The following ADGRV1 variants were observed in gnomAD, a reference collection of about 807,000 sequenced individuals.
The protein encoded by ADGRV1 is G-protein coupled receptor 98.
ADGRV1 carries 359 observed loss-of-function variants against 596.2 expected under a neutral mutation model. That is an observed-to-expected ratio of 0.60 (90% confidence interval 0.55 to 0.66). ADGRV1 has a LOEUF of 0.66. Ranked by LOEUF, ADGRV1 falls within the 30% of genes least tolerant of loss-of-function variation. The probability of loss-of-function intolerance (pLI) is 0.00; values close to 1 mark genes in which losing one functional copy is unlikely to be tolerated. For missense variants in ADGRV1, 7,274 were observed against 7,575.6 expected (o/e 0.96, Z 1.48); for synonymous variants, 2,681 against 2,679.2 (o/e 1.00, Z -0.02).
At chr5:90,664,097 C>T (rs938895561) in intron 21 of ADGRV1, among the ~76,000 whole-genome samples, 6 of 147,246 alleles carry the variant, frequency 4.1e-5, no homozygotes, top group African/African-American at 1.3e-4. Flanking sequence ...GCGATGCGGG[C>T]TCTTTTTTGG....
At chr5:91,130,522 CAAAAAA>C (rs11423089) in intron 87 of ADGRV1, among the ~76,000 whole-genome samples, 7 of 73,350 alleles carry the variant, frequency 9.5e-5, no homozygotes, top group African/African-American at 4.4e-4. Context: ...AACTCCATCT[CAAAAAA>C]AAAAAAAAAA....
intron 84 of ADGRV1, among the ~76,000 whole-genome samples, chr5:90,980,139 G>A (rs1413529951): frequency 1.3e-5 from 2 of 152,164 alleles, no homozygotes; most frequent in East Asian, 3.9e-4. Flanking sequence ...ATTGTGAGAA[G>A]TGTGAGAATT....
chr5:90,627,962 A>ACC, intron 7 of ADGRV1, 186 bp downstream of exon 7: 1 of 406,934 alleles, frequency 2.5e-6, no homozygotes, highest in Non-Finnish European at 4.3e-6. Flanking sequence ...ACACACACAC[A>ACC]AGAATATGTC....
chr5:90,586,383 T>C (rs1196955176), intron 1 of ADGRV1, among the ~76,000 whole-genome samples: 1 of 152,214 alleles, frequency 6.6e-6, no homozygotes, highest in Non-Finnish European at 1.5e-5. Context: ...AAAATGTCTT[T>C]TTATAGTTAA....
intron 89 of ADGRV1, among the ~76,000 whole-genome samples, chr5:91,155,791 G>T (rs1010156316): frequency 7.2e-5 from 11 of 152,142 alleles, no homozygotes; most frequent in African/African-American, 2.7e-4. Flanking sequence ...GAAAGAAATG[G>T]CATGTTCCTA....
Position 90,840,659 on chromosome 5 carries a change from A to T in ADGRV1, c.16693A>T (p.Thr5565Ser), listed in dbSNP as rs1765345376. The change falls in exon 78 of 90, where the codon ACA becomes TCA. Residue 5565 changes from threonine (T) to serine (S), a missense_variant. Thr to Ser is a moderately conservative substitution (Grantham distance 58, BLOSUM62 1). Transcript: ENST00000405460. ...SGKDFVITEGTLVFEPGQRST... is the reference protein window; with the variant it reads ...SGKDFVITEGSLVFEPGQRST... ...AAAGGATTTTGTGATAACTGAAGGC[A>T]CATTGGTCTTTGAACCTGGCCAGAG... is the stretch of plus-strand genomic sequence containing the variant. The T allele has an allele frequency of 6.2e-7, 1 of 1,613,892 alleles. No homozygotes were observed. Among genetic ancestry groups the T allele is most frequent in the Non-Finnish European group, 8.5e-7 (1 of 1,179,864 alleles).
chr5:90,759,623 A>G, intron 58 of ADGRV1, 35 bp downstream of exon 58: 3 of 1,575,206 alleles, frequency 1.9e-6, no homozygotes, highest in Non-Finnish European at 2.6e-6. Context: ...GCCTTGTTTC[A>G]GGCTAGCGTT....
intron 86 of ADGRV1, among the ~76,000 whole-genome samples, chr5:91,093,489 T>G (rs1056133599): frequency 2.6e-5 from 4 of 152,340 alleles, no homozygotes; most frequent in African/African-American, 9.6e-5. Context: ...CAACAATTCT[T>G]TTATTGAACA....
At chr5:90,886,561 G>A (rs1207711515) in intron 83 of ADGRV1, among the ~76,000 whole-genome samples, 2 of 152,144 alleles carry the variant, frequency 1.3e-5, no homozygotes. Context: ...ATAGCGTTAA[G>A]CTTTAACCAT....
chr5:90,982,398 TTA>T (rs1023380657), intron 84 of ADGRV1, among the ~76,000 whole-genome samples: 2 of 152,200 alleles, frequency 1.3e-5, no homozygotes, highest in African/African-American at 4.8e-5. Context: ...CTTTTGGTTT[TTA>T]AAAAAAATGG....
In ADGRV1 at chr5:90,629,525, C is replaced by A. The variant is rs1018670464; in HGVS notation, c.1825C>A (p.His609Asn). 3.1e-6 allele frequency: 5 copies of A among 1,609,534 alleles called. No homozygotes were observed. The highest frequency in any genetic ancestry group is 4.5e-5 in the East Asian group (2 of 44,836). Residue 609 changes from histidine to asparagine, a missense_variant, in exon 9 of 90, where the codon CAC (histidine) becomes AAC (asparagine). Physicochemically the swap from His to Asn is moderately conservative, Grantham distance 68 (BLOSUM62 1). Coordinates refer to ENST00000405460, the MANE Select transcript of ADGRV1 (RefSeq NM_032119.4). ...TGATGCATTCCTTCAAAATGGAGCT[C>A]ACTTTCTAGTACAGGTACTTGTATG... is the stretch of plus-strand genomic sequence containing the variant. Reference protein sequence around the residue: ...RNDAFLQNGAHFLVQLETVEL... With the variant: ...RNDAFLQNGANFLVQLETVEL...
intron 41 of ADGRV1, 26 bp downstream of exon 41, chr5:90,711,348 G>A: frequency 6.5e-7 from 1 of 1,550,248 alleles, no homozygotes; most frequent in Non-Finnish European, 8.7e-7. Context: ...TATCACAGAT[G>A]ACTTTTACAA....
intron 21 of ADGRV1, among the ~76,000 whole-genome samples, chr5:90,664,023 G>A (rs1157865790): frequency 2.1e-5 from 3 of 139,938 alleles, no homozygotes; most frequent in Non-Finnish European, 4.6e-5. Context: ...TAGCCTTGTA[G>A]TATAGTTTGA....
chr5:91,063,329 T>C (rs1279732823), intron 85 of ADGRV1, among the ~76,000 whole-genome samples: 1 of 152,290 alleles, frequency 6.6e-6, no homozygotes, highest in African/African-American at 2.4e-5. Context: ...GTGGCTACAG[T>C]GTTTACCCCA....
At chr5:90,821,295 G>C (rs1199190261) in intron 75 of ADGRV1, among the ~76,000 whole-genome samples, 2 of 150,872 alleles carry the variant, frequency 1.3e-5, no homozygotes, top group African/African-American at 2.4e-5. Context: ...CTCTGTATTG[G>C]TTATTCTAGT....
intron 7 of ADGRV1, among the ~76,000 whole-genome samples, chr5:90,628,318 A>G (rs1193352643): frequency 6.6e-6 from 1 of 152,126 alleles, no homozygotes; most frequent in Non-Finnish European, 1.5e-5. Flanking sequence ...AGGCTAATGC[A>G]GGAGGATTGC....
intron 84 of ADGRV1, among the ~76,000 whole-genome samples, chr5:90,968,870 C>T (rs1471264634): frequency 6.6e-6 from 1 of 152,122 alleles, no homozygotes; most frequent in Non-Finnish European, 1.5e-5. Context: ...TATGATACTA[C>T]ATATGTCTGT....
At chr5:90,857,861 C>T (rs1767172583) in intron 82 of ADGRV1, among the ~76,000 whole-genome samples, 1 of 152,136 alleles carries the variant, frequency 6.6e-6, no homozygotes, top group South Asian at 2.1e-4. Flanking sequence ...TTGAATATCA[C>T]TCTGAACTTG....
At chr5:90,759,045 A>G (rs1561671629) in intron 57 of ADGRV1, among the ~76,000 whole-genome samples, 1 of 152,146 alleles carries the variant, frequency 6.6e-6, no homozygotes, top group Non-Finnish European at 1.5e-5. Flanking sequence ...GCATGACATT[A>G]AAAAAATTTT....
Sources: allele counts gnomAD v4.1 joint callset (sites outside exome capture counted in the v4.1 genomes callset), GRCh38; gene constraint gnomAD v4.1.1; transcripts MANE v1.5; gene names NCBI Gene and HGNC (gene_info 2026-07-23, HGNC 2026-07-21).